Variants in CDC42EP4 observed in about 807,000 individuals in gnomAD.
CDC42EP4 encodes the protein CDC42 effector protein 4, also known as CDC42 effector protein (Rho GTPase binding) 4.
CDC42EP4 carries 6 observed loss-of-function variants against 5.6 expected under a neutral mutation model. That is an observed-to-expected ratio of 1.07 (90% confidence interval 0.59 to 2.12). The LOEUF (loss-of-function observed/expected upper bound fraction) is 2.12, where lower values mean the gene tolerates loss of function less well. Among genes scored for constraint, CDC42EP4 ranks in the 30% most tolerant of loss-of-function variants. The pLI is 0.00. For synonymous variants in CDC42EP4, 230 were observed against 224.2 expected (o/e 1.03, Z -0.23); for missense variants, 490 against 508.6 (o/e 0.96, Z 0.35).
intron 1 of CDC42EP4, among the ~76,000 whole-genome samples, chr17:73,289,642 T>C (rs1158256847): frequency 6.7e-6 from 1 of 148,226 alleles, no homozygotes; most frequent in Non-Finnish European, 1.5e-5. Context: ...TGGACTGTAG[T>C]TTGCTGACTC....
chr17:73,311,739 G>T (rs1212528400), intron 1 of CDC42EP4, among the ~76,000 whole-genome samples, 154 bp downstream of exon 1: 1 of 152,246 alleles, frequency 6.6e-6, no homozygotes, highest in African/African-American at 2.4e-5. Flanking sequence ...GCGCCGAGAA[G>T]TGGGGGCTCC....
chr17:73,310,660 G>T (rs1235188958), intron 1 of CDC42EP4, among the ~76,000 whole-genome samples: 1 of 151,868 alleles, frequency 6.6e-6, no homozygotes, highest in Non-Finnish European at 1.5e-5. Flanking sequence ...GGGAGAAAAA[G>T]AAAACTTCCA....
intron 1 of CDC42EP4, among the ~76,000 whole-genome samples, chr17:73,288,804 C>A (rs1418631089): frequency 6.6e-6 from 1 of 152,202 alleles, no homozygotes; most frequent in Non-Finnish European, 1.5e-5. Context: ...GCTTCCCCCA[C>A]CAGCAATGTC....
At chr17:73,305,064 G>A (rs1018245315) in intron 1 of CDC42EP4, among the ~76,000 whole-genome samples, 11 of 152,160 alleles carry the variant, frequency 7.2e-5, no homozygotes, top group African/African-American at 2.7e-4. Flanking sequence ...CACCTCCTGG[G>A]AATTAGAACA....
intron 1 of CDC42EP4, among the ~76,000 whole-genome samples, chr17:73,305,290 G>A (rs1173345029): frequency 6.6e-6 from 1 of 152,218 alleles, no homozygotes; most frequent in Admixed American, 6.5e-5. Flanking sequence ...ATGCCTGGTG[G>A]GGGGCCCCAC....
In CDC42EP4 at chr17:73,286,416, C is replaced by T. The variant is rs760506742; in HGVS notation, c.85G>A (p.Ala29Thr). 17 of 1,613,704 alleles carry T rather than the reference C, an allele frequency of 1.1e-5. No individual in the cohort carries two copies. In the East Asian group the frequency reaches 2.7e-4, roughly 25 times the overall value. ...GTGTGGCGGAAGTCGCCCAGCGGGG[C>T]GCTGATCATCTCGGCCGTGAGGTCC... ...RADLTAEMIS[A>T]PLGDFRHTMH... The change falls in exon 2 of 2, where the codon GCC (alanine) becomes ACC (threonine). Residue 29 changes from alanine to threonine, a missense_variant. Coordinates refer to ENST00000335793, the MANE Select transcript of CDC42EP4 (RefSeq NM_012121.5). This position sits in a 1 kb window ranked among gnomAD's most constrained non-coding sequence, Gnocchi z 7.7.
intron 1 of CDC42EP4, among the ~76,000 whole-genome samples, chr17:73,299,448 C>T (rs1014310854): frequency 0.026 from 2,102 of 80,700 alleles, 28 homozygotes; most frequent in African/African-American, 0.046. Context: ...AAAAAATACA[C>T]ACACACACAC....
rs563603390 is a variant in CDC42EP4 at position 73,286,800 on chromosome 17, G to A, written c.-112-188C>T. On this transcript the variant is annotated intron_variant, in intron 1 of 1. Transcript: ENST00000335793. This position sits in a 1 kb window ranked among gnomAD's most constrained non-coding sequence, Gnocchi z 7.7. The stretch of plus-strand genomic sequence containing the variant: ...CCGCAGGCATTCAGAGTAGAGGAGT[G>A]ATTTTGCAAATCTGGTTAGAGTTCC... The A allele has an allele frequency of 9.8e-4, 335 of 341,614 alleles. No homozygotes were observed. The highest frequency in any genetic ancestry group is 5.1e-3 in the Admixed American group (119 of 23,136). The allele number at this position is 341,614 out of a possible 1,614,324, so 21.2% of individuals were successfully genotyped here.
At position 73,285,676 on chromosome 17, in the gene CDC42EP4, G is replaced by A; in HGVS notation, c.825C>T (p.Ser275=). The A allele has an allele frequency of 2.5e-6, 4 of 1,578,220 alleles. No homozygotes were observed. Among genetic ancestry groups the A allele is most frequent in the Non-Finnish European group, 3.5e-6 (4 of 1,157,752 alleles). ...QEGKAGPDLP[S]LPSHALEDEG... Reference sequence around the variant, plus strand: ...CATCCTCCAGAGCATGGGAGGGGAGGGAGGGCAAGTCTGGGCCAGCCTTGC... The same window carrying A: ...CATCCTCCAGAGCATGGGAGGGGAGAGAGGGCAAGTCTGGGCCAGCCTTGC... Residue 275 remains serine, a synonymous_variant, in exon 2 of 2, where the codon TCC becomes TCT. Coordinates refer to ENST00000335793, the MANE Select transcript of CDC42EP4 (RefSeq NM_012121.5). The surrounding 1 kb of genome is among the most constrained non-coding windows in gnomAD (Gnocchi z 6.8).
chr17:73,307,447 CTTTT>C (rs398031541), intron 1 of CDC42EP4: 10 of 132,774 alleles, frequency 7.5e-5, no homozygotes, highest in South Asian at 2.4e-4. Context: ...TTCTTTCTTT[CTTTT>C]TTTTTTTTTT....
intron 1 of CDC42EP4, chr17:73,311,008 ACCC>A (rs2062271863): frequency 6.6e-6 from 1 of 151,750 alleles, no homozygotes; most frequent in Non-Finnish European, 1.5e-5. Context: ...ATCCGCGCGC[ACCC>A]GCCCCAAGCG....
intron 1 of CDC42EP4, among the ~76,000 whole-genome samples, chr17:73,305,201 T>C (rs779035191): frequency 6.6e-6 from 1 of 152,172 alleles, no homozygotes; most frequent in Non-Finnish European, 1.5e-5. Context: ...ACAGGGCCCT[T>C]CCTGGAAATG....
chr17:73,290,232 G>C (rs977867708), intron 1 of CDC42EP4, among the ~76,000 whole-genome samples: 2 of 152,236 alleles, frequency 1.3e-5, no homozygotes, highest in African/African-American at 4.8e-5. Context: ...CAAAGCAACA[G>C]AGCTGGGCTA....
chr17:73,301,707 C>G (rs1245535922), intron 1 of CDC42EP4, among the ~76,000 whole-genome samples: 1 of 143,844 alleles, frequency 7.0e-6, no homozygotes, highest in Non-Finnish European at 1.5e-5. Flanking sequence ...CCACCATGCC[C>G]AGCTTTTTTT....
chr17:73,308,394 A>T (rs914029273), intron 1 of CDC42EP4, among the ~76,000 whole-genome samples: 5 of 151,944 alleles, frequency 3.3e-5, no homozygotes, highest in African/African-American at 4.8e-5. Flanking sequence ...TCTGGCATCA[A>T]CCCAGCTCCC....
intron 1 of CDC42EP4, among the ~76,000 whole-genome samples, chr17:73,297,331 A>T (rs7221537): frequency 6.9e-6 from 1 of 144,490 alleles, no homozygotes; most frequent in African/African-American, 2.6e-5. Context: ...CAAATTAGCC[A>T]GGTGTTGTGG....
At chr17:73,290,549 AC>A (rs2062156435) in intron 1 of CDC42EP4, among the ~76,000 whole-genome samples, 2 of 152,076 alleles carry the variant, frequency 1.3e-5, no homozygotes, top group African/African-American at 4.8e-5. Context: ...AGTAGCATCC[AC>A]CCCCCAGTCA....
Position 73,285,735 on chromosome 17 carries a change from C to A in CDC42EP4, c.766G>T (p.Ala256Ser). Residue 256 changes from alanine (A) to serine (S), a missense_variant, in exon 2 of 2, where the codon GCC becomes TCC. Transcript: ENST00000335793. The surrounding 1 kb of genome is among the most constrained non-coding windows in gnomAD (Gnocchi z 6.8). ...CTTGCCAGGGGAGGGGCCGCCACGG[C>A]GTACGGGGGAGCCTGGGTGATGGTG... Reference protein sequence around the residue: ...AGTITQAPPYAVAAPPLARQE... With the variant: ...AGTITQAPPYSVAAPPLARQE... 2 of 1,582,254 alleles carry A rather than the reference C, an allele frequency of 1.3e-6. No individual in the cohort carries two copies. Among genetic ancestry groups the A allele is most frequent in the Non-Finnish European group, 1.7e-6 (2 of 1,158,658 alleles).
At chr17:73,309,366 A>T (rs1486372509) in intron 1 of CDC42EP4, among the ~76,000 whole-genome samples, 1 of 152,112 alleles carries the variant, frequency 6.6e-6, no homozygotes, top group East Asian at 1.9e-4. Context: ...AATAAATAAA[A>T]TAAAAATTAT....
Sources: gnomAD v4.1 joint callset for allele counts (sites outside exome capture counted in the v4.1 genomes callset) on GRCh38, gnomAD v4.1.1 for gene constraint, Gnocchi (gnomAD v3.1) non-coding constraint, MANE v1.5 for transcripts, NCBI Gene and HGNC (gene_info 2026-07-23, HGNC 2026-07-21) for gene names.